Variants in SGCG observed in about 807,000 individuals in gnomAD.
The protein encoded by SGCG is sarcoglycan gamma, also known as gamma-sarcoglycan.
SGCG carries 26 observed loss-of-function variants against 29.3 expected under a neutral mutation model. The observed-to-expected ratio is 0.89, with a 90% CI of 0.65 to 1.23. The LOEUF (loss-of-function observed/expected upper bound fraction) is 1.23. SGCG is among the 50% of genes most tolerant of loss of function. The pLI is 0.00. For synonymous variants in SGCG, 145 were observed against 129.7 expected, an observed-to-expected ratio of 1.12 and a Z score of -0.80; for missense variants, 353 against 356.0, an observed-to-expected ratio of 0.99 and a Z score of 0.07.
intron 3 of SGCG, among the ~76,000 whole-genome samples, chr13:23,241,153 A>C (rs953020084): frequency 6.7e-6 from 1 of 149,450 alleles, no homozygotes; most frequent in African/African-American, 2.4e-5. Context: ...CATCTCAAAA[A>C]AAAAAAAAAA....
At chr13:23,274,086 T>C (rs560744336) in intron 4 of SGCG, among the ~76,000 whole-genome samples, 1 of 152,364 alleles carries the variant, frequency 6.6e-6, no homozygotes, top group African/African-American at 2.4e-5. Flanking sequence ...TGTTGTGGGT[T>C]GTAATTTTAG....
At chr13:23,203,955 G>C in intron 2 of SGCG, 66 bp downstream of exon 2, 1 of 1,146,364 alleles carries the variant, frequency 8.7e-7, no homozygotes, top group Non-Finnish European at 1.3e-6. Flanking sequence ...AGTCTGTATT[G>C]TATTGATAGG....
At position 23,234,330 on chromosome 13, in the gene SGCG, A is replaced by T. The variant is rs9510644; in HGVS notation, c.196-281A>T. On this transcript the variant is annotated intron_variant, in intron 2 of 7. Transcript: ENST00000218867. The stretch of plus-strand genomic sequence containing the variant: ...TTGTACCTTAATTTAATTTTTTTTA[A>T]AAAAATGGATTCTTTTTCTTACATG... 0.29 allele frequency among the ~76,000 whole-genome samples: 43,925 copies of T among 151,154 alleles called. 6,609 individuals carry two copies. Among genetic ancestry groups the T allele is most frequent in the African/African-American group, 0.38 (15,707 of 40,990 alleles).
intron 4 of SGCG, among the ~76,000 whole-genome samples, chr13:23,272,358 C>A (rs1225650965): frequency 6.6e-6 from 1 of 152,144 alleles, no homozygotes; most frequent in Non-Finnish European, 1.5e-5. Context: ...GTTCATTGAT[C>A]ATAAATGTGT....
upstream of SGCG, among the ~76,000 whole-genome samples, chr13:23,177,168 A>G (rs1294367614): frequency 6.6e-6 from 1 of 152,146 alleles, no homozygotes; most frequent in Non-Finnish European, 1.5e-5. Flanking sequence ...AAACCTTAGA[A>G]GTTGATCTCC....
chr13:23,196,290 T>A (rs1877505095), intron 1 of SGCG, among the ~76,000 whole-genome samples: 1 of 152,190 alleles, frequency 6.6e-6, no homozygotes, highest in African/African-American at 2.4e-5. Context: ...TTTTTGTTTC[T>A]AGTTGTTTCC....
At chr13:23,214,523 G>A (rs1829166747) in intron 2 of SGCG, among the ~76,000 whole-genome samples, 1 of 152,148 alleles carries the variant, frequency 6.6e-6, no homozygotes, top group South Asian at 2.1e-4. Flanking sequence ...GACATTCTTG[G>A]TGGCTCCATT....
intron 4 of SGCG, among the ~76,000 whole-genome samples, chr13:23,264,930 C>T (rs904481973): frequency 3.3e-5 from 5 of 152,040 alleles, no homozygotes; most frequent in Non-Finnish European, 7.4e-5. Context: ...AAAATTAGCT[C>T]TAGATGGGTT....
intron 5 of SGCG, among the ~76,000 whole-genome samples, chr13:23,290,770 T>C (rs1881675160): frequency 6.7e-6 from 1 of 149,282 alleles, no homozygotes. Context: ...GATACAAAAA[T>C]GAATGCATGT....
chr13:23,168,081 G>A, the SGCG span, among the ~76,000 whole-genome samples: 1 of 150,970 alleles, frequency 6.6e-6, no homozygotes, highest in African/African-American at 2.4e-5. Flanking sequence ...TTTTCCTATA[G>A]AGTTGTTTGA....
upstream of SGCG, among the ~76,000 whole-genome samples, chr13:23,178,566 A>G (rs879788328): frequency 2.6e-5 from 4 of 152,314 alleles, no homozygotes; most frequent in South Asian, 2.1e-4. Context: ...TGAGACTACT[A>G]TCCATATATT....
At chr13:23,274,966 G>A (rs1264531222) in intron 4 of SGCG, among the ~76,000 whole-genome samples, 1 of 151,858 alleles carries the variant, frequency 6.6e-6, no homozygotes, top group East Asian at 1.9e-4. Flanking sequence ...TTCAGTTAAT[G>A]CCACAATTCA....
intron 4 of SGCG, among the ~76,000 whole-genome samples, chr13:23,256,887 T>C (rs574391387): frequency 6.6e-6 from 1 of 152,348 alleles, no homozygotes; most frequent in Admixed American, 6.5e-5. Flanking sequence ...CTTTTGGGTA[T>C]ATACCCAGTA....
chr13:23,223,209 C>T (rs186776751), intron 2 of SGCG, among the ~76,000 whole-genome samples: 2,638 of 139,518 alleles, frequency 0.019, 69 homozygotes, highest in African/African-American at 0.067. Flanking sequence ...ACCTGGAAGG[C>T]GGAGCTTGCA....
chr13:23,261,336 A>G (rs1880429821), intron 4 of SGCG, among the ~76,000 whole-genome samples: 1 of 152,178 alleles, frequency 6.6e-6, no homozygotes, highest in South Asian at 2.1e-4. Context: ...TTGGAAATGA[A>G]AGACACATTT....
the SGCG span, among the ~76,000 whole-genome samples, chr13:23,164,637 G>T: frequency 6.6e-6 from 1 of 152,200 alleles, no homozygotes; most frequent in African/African-American, 2.4e-5. Flanking sequence ...AAGGGAAATA[G>T]GAACTGGCCT....
intron 6 of SGCG, among the ~76,000 whole-genome samples, chr13:23,297,993 C>T (rs1403756678): frequency 6.6e-6 from 1 of 151,872 alleles, no homozygotes; most frequent in Non-Finnish European, 1.5e-5. Flanking sequence ...GATCTGCTCA[C>T]CTTGGCCTCC....
intron 4 of SGCG, chr13:23,268,913 A>AG (rs397777692): frequency 6.6e-6 from 1 of 151,144 alleles, no homozygotes; most frequent in Non-Finnish European, 1.5e-5. Flanking sequence ...AAAAAAAAAA[A>AG]CACTCATCTT....
At chr13:23,277,785 G>A (rs4770423) in intron 4 of SGCG, among the ~76,000 whole-genome samples, 15,769 of 145,420 alleles carry the variant, frequency 0.11, 943 homozygotes, top group Non-Finnish European at 0.13. Flanking sequence ...TGCAAGCTCC[G>A]CCTCCCAGGT....
Sources: allele counts gnomAD v4.1 joint callset (sites outside exome capture counted in the v4.1 genomes callset), GRCh38; gene constraint gnomAD v4.1.1; transcripts MANE v1.5; gene names NCBI Gene and HGNC (gene_info 2026-07-23, HGNC 2026-07-21).